Variants in FAM117A observed in about 807,000 individuals in gnomAD.
FAM117A encodes the protein protein FAM117A.
FAM117A carries 21 observed loss-of-function variants against 44.1 expected under a neutral mutation model. The observed-to-expected ratio is 0.48, with a 90% CI of 0.34 to 0.69. The LOEUF (loss-of-function observed/expected upper bound fraction) is 0.69. Among genes scored for constraint, FAM117A ranks in the 30% least tolerant of loss-of-function variants. The pLI is 0.01. For synonymous variants in FAM117A, 220 were observed against 238.3 expected (o/e 0.92, Z 0.71); for missense variants, 498 against 589.9 (o/e 0.84, Z 1.61).
chr17:49,781,027 C>T (rs4793620), intron 1 of FAM117A, among the ~76,000 whole-genome samples: 55,944 of 151,938 alleles, frequency 0.37, 12,673 homozygotes, highest in Middle Eastern at 0.57. Context: ...GACGGGTCTT[C>T]ACCATATTGG....
At chr17:49,724,334 A>T in intron 2 of FAM117A, 1 of 455,982 alleles carries the variant, frequency 2.2e-6, no homozygotes, top group Non-Finnish European at 4.4e-6. Flanking sequence ...TAGAGGGATG[A>T]CAAAAGCTAA....
intron 1 of FAM117A, among the ~76,000 whole-genome samples, chr17:49,749,448 G>A (rs1441844997): frequency 1.3e-5 from 2 of 151,302 alleles, no homozygotes; most frequent in Non-Finnish European, 3.0e-5. Context: ...ATGGTGGCAC[G>A]CGCCTGTAGT....
At chr17:49,788,011 T>G (rs950498741) in intron 1 of FAM117A, among the ~76,000 whole-genome samples, 3 of 152,186 alleles carry the variant, frequency 2.0e-5, no homozygotes, top group African/African-American at 7.2e-5. Context: ...ACAGTGCGGT[T>G]AGGAAGTGGG....
intron 1 of FAM117A, among the ~76,000 whole-genome samples, chr17:49,775,871 A>G (rs1476130428): frequency 6.6e-6 from 1 of 152,098 alleles, no homozygotes; most frequent in Non-Finnish European, 1.5e-5. Flanking sequence ...CCTCCTGGGT[A>G]TTTGCCCAGA....
intron 1 of FAM117A, among the ~76,000 whole-genome samples, chr17:49,746,495 C>T (rs1336542769): frequency 2.0e-5 from 3 of 152,148 alleles, no homozygotes; most frequent in African/African-American, 7.2e-5. Context: ...GGAACTGAAA[C>T]TCACAAGATG....
intron 7 of FAM117A, among the ~76,000 whole-genome samples, chr17:49,714,275 G>A (rs1347519605): frequency 2.6e-5 from 4 of 151,356 alleles, no homozygotes; most frequent in Non-Finnish European, 5.9e-5. Flanking sequence ...AAACCTCAGT[G>A]AACTACAGAA....
At chr17:49,786,162 T>TA (rs1230644690) in intron 1 of FAM117A, among the ~76,000 whole-genome samples, 1 of 152,364 alleles carries the variant, frequency 6.6e-6, no homozygotes, top group African/African-American at 2.4e-5. Flanking sequence ...CTACTGGTGT[T>TA]AGTTTTTTCA....
At chr17:49,742,735 G>T (rs1051008441) in intron 1 of FAM117A, among the ~76,000 whole-genome samples, 1 of 152,172 alleles carries the variant, frequency 6.6e-6, no homozygotes, top group African/African-American at 2.4e-5. Flanking sequence ...CAAAGGACAG[G>T]CATAAACCCT....
intron 2 of FAM117A, among the ~76,000 whole-genome samples, chr17:49,729,601 G>T (rs1232801419): frequency 3.4e-5 from 5 of 149,130 alleles, no homozygotes; most frequent in Non-Finnish European, 7.4e-5. Context: ...CTGCCTCCGG[G>T]TTCAAGCGAT....
chr17:49,736,377 C>T (rs962658410), intron 1 of FAM117A, among the ~76,000 whole-genome samples: 5 of 152,116 alleles, frequency 3.3e-5, no homozygotes, highest in Non-Finnish European at 5.9e-5. Flanking sequence ...CTGCCTCAGC[C>T]TCCCAAATAA....
intron 1 of FAM117A, among the ~76,000 whole-genome samples, chr17:49,786,844 C>T (rs2073811388): frequency 1.3e-5 from 2 of 151,136 alleles, no homozygotes; most frequent in Non-Finnish European, 2.9e-5. Context: ...AATCCCAGCA[C>T]TCTGGAAGGC....
At chr17:49,757,913 G>A (rs1598033101) in intron 1 of FAM117A, among the ~76,000 whole-genome samples, 1 of 152,232 alleles carries the variant, frequency 6.6e-6, no homozygotes, top group East Asian at 1.9e-4. Flanking sequence ...GCATCTCAAA[G>A]GATGGCAGAG....
chr17:49,757,783 T>C (rs994593832), intron 1 of FAM117A, among the ~76,000 whole-genome samples: 6 of 152,226 alleles, frequency 3.9e-5, no homozygotes, highest in African/African-American at 1.4e-4. Context: ...AACCAAATAA[T>C]GGAGCCCTCT....
upstream of FAM117A, chr17:49,764,183 G>A (rs569562596): frequency 2.5e-5 from 15 of 597,608 alleles, no homozygotes; most frequent in Non-Finnish European, 3.8e-5. Context: ...GGCGGGGACC[G>A]GCCCCCTCAT....
chr17:49,759,115 T>G (rs1412163366), intron 1 of FAM117A, among the ~76,000 whole-genome samples: 1 of 152,222 alleles, frequency 6.6e-6, no homozygotes, highest in Non-Finnish European at 1.5e-5. Flanking sequence ...AAAGTCCTCT[T>G]GCCATCACAG....
At chr17:49,752,837 C>T (rs567375947) in intron 1 of FAM117A, among the ~76,000 whole-genome samples, 3 of 151,804 alleles carry the variant, frequency 2.0e-5, no homozygotes, top group Non-Finnish European at 4.4e-5. Flanking sequence ...AAGGAAGAAA[C>T]GGACTTCTTT....
At chr17:49,742,467 T>C (rs2079398091) in intron 1 of FAM117A, among the ~76,000 whole-genome samples, 1 of 152,270 alleles carries the variant, frequency 6.6e-6, no homozygotes, top group Non-Finnish European at 1.5e-5. Context: ...ATTCTTAAGC[T>C]GCAGTTAGAA....
intron 2 of FAM117A, among the ~76,000 whole-genome samples, chr17:49,729,138 T>G (rs972712301): frequency 1.3e-5 from 2 of 152,250 alleles, no homozygotes; most frequent in Non-Finnish European, 2.9e-5. Flanking sequence ...CAAGATAGCA[T>G]GCCCGGCTAT....
chr17:49,774,053 C>T (rs891596736), intron 1 of FAM117A, among the ~76,000 whole-genome samples: 1 of 152,192 alleles, frequency 6.6e-6, no homozygotes, highest in Non-Finnish European at 1.5e-5. Flanking sequence ...TGCGCCTAGC[C>T]TTAAGGTAGC....
Sources: allele counts gnomAD v4.1 joint callset (sites outside exome capture counted in the v4.1 genomes callset), GRCh38; gene constraint gnomAD v4.1.1; transcripts MANE v1.5; gene names NCBI Gene and HGNC (gene_info 2026-07-23, HGNC 2026-07-21).